Variants in KDM3B observed in about 807,000 individuals in gnomAD.
KDM3B encodes the protein lysine demethylase 3B, also known as lysine-specific demethylase 3B.
Under a neutral mutation model 170.0 loss-of-function variants are expected in KDM3B, and 10 were observed. The observed-to-expected ratio is 0.06, with a 90% CI of 0.04 to 0.10. The LOEUF (loss-of-function observed/expected upper bound fraction) is 0.10, where lower values mean the gene tolerates loss of function less well. Among genes scored for constraint, KDM3B ranks in the 10% least tolerant of loss-of-function variants. The pLI, the probability that KDM3B is intolerant of heterozygous loss-of-function variation, is 1.00. For synonymous variants in KDM3B, 831 were observed against 834.8 expected, an observed-to-expected ratio of 1.00 and a Z score of 0.08; for missense variants, 1,394 against 2,195.2, an observed-to-expected ratio of 0.64 and a Z score of 7.29.
chr5:138,390,996 G>A lies in KDM3B; in HGVS notation c.1381-17G>A, dbSNP rs185780008. 12 of 1,531,222 alleles carry A rather than the reference G, an allele frequency of 7.8e-6. No individual in the cohort carries two copies. In the East Asian group the frequency reaches 2.7e-4, roughly 35 times the overall value. 94.9% of individuals were successfully genotyped at this position (1,531,222 alleles called of 1,614,324 possible). On this transcript the variant is annotated splice_polypyrimidine_tract_variant and intron_variant, in intron 7 of 23. Transcript: ENST00000314358. ...ATGAGAAGCCAGCATCACTAATTCAGGCTATCTTCCTTTCAGAATTCAAGA... is the reference window on the plus strand; with the variant it reads ...ATGAGAAGCCAGCATCACTAATTCAAGCTATCTTCCTTTCAGAATTCAAGA...
intron 11 of KDM3B, among the ~76,000 whole-genome samples, chr5:138,409,020 T>C (rs570389396): frequency 1.7e-4 from 26 of 152,272 alleles, no homozygotes; most frequent in African/African-American, 5.8e-4. Flanking sequence ...CTGAAAAGGC[T>C]CTTTGGAGAA....
chr5:138,360,872 G>A (rs1761590492), intron 1 of KDM3B, among the ~76,000 whole-genome samples: 2 of 152,154 alleles, frequency 1.3e-5, no homozygotes, highest in Non-Finnish European at 2.9e-5. Flanking sequence ...GATTACAGGC[G>A]TGAGCCACCA....
chr5:138,378,668 G>T (rs1456879965), intron 4 of KDM3B, among the ~76,000 whole-genome samples: 2 of 151,792 alleles, frequency 1.3e-5, no homozygotes, highest in Non-Finnish European at 2.9e-5. Flanking sequence ...GAAGGTGTCA[G>T]GATAAAATGA....
At chr5:138,431,583 CACT>C in intron 23 of KDM3B, 24 bp downstream of exon 23, 1 of 1,574,216 alleles carries the variant, frequency 6.4e-7, no homozygotes, top group South Asian at 1.2e-5. Context: ...CCCTCTACCC[CACT>C]CTGTCTTCTC....
At chr5:138,434,425 G>A (rs1763621946) in intron 23 of KDM3B, among the ~76,000 whole-genome samples, 1 of 152,034 alleles carries the variant, frequency 6.6e-6, no homozygotes. Context: ...GTGGGCGCCT[G>A]TAGTCCCAGC....
In KDM3B at chr5:138,422,431, G is replaced by A. The variant is rs542691670; in HGVS notation, c.3972+1469G>A. On this transcript the variant is annotated intron_variant, in intron 15 of 23. Transcript: ENST00000314358. ...GCGGACAGATCACTTGAGGTCAGGAGTTCGAGACTAACCTGACCAACGTAG... is the reference window on the plus strand; with the variant it reads ...GCGGACAGATCACTTGAGGTCAGGAATTCGAGACTAACCTGACCAACGTAG... 3.3e-5 allele frequency among the ~76,000 whole-genome samples: 5 copies of A among 152,276 alleles called. No individual in the cohort carries two copies. In the South Asian group the frequency reaches 1.0e-3, roughly 32 times the overall value.
At position 138,420,801 on chromosome 5, in the gene KDM3B, C is replaced by T. The variant is rs999525461; in HGVS notation, c.3811C>T (p.Pro1271Ser). ...CACTGCAAAGGTCTCTCCGCTGACT[C>T]CAAAGCTTTTTAACAGTCTGTTGCT... is the stretch of plus-strand genomic sequence containing the variant. ...NSTAKVSPLT[P>S]KLFNSLLLGP... is the part of the protein sequence containing the mutation. The change falls in exon 15 of 24, where the codon CCA (proline) becomes TCA (serine). Residue 1271 changes from proline to serine, a missense_variant. Pro to Ser is a moderately conservative substitution (Grantham distance 74, BLOSUM62 -1). Coordinates refer to ENST00000314358, the MANE Select transcript of KDM3B (RefSeq NM_016604.4). 2.5e-6 allele frequency: 4 copies of T among 1,614,164 alleles called. No individual in the cohort carries two copies. The South Asian group carries it at 3.3e-5, about 13-fold the overall frequency.
intron 11 of KDM3B, among the ~76,000 whole-genome samples, chr5:138,412,153 T>C (rs1160825468): frequency 3.3e-5 from 5 of 149,678 alleles, no homozygotes; most frequent in Non-Finnish European, 7.4e-5. Context: ...CTGGCCAACA[T>C]GTTGAAACCC....
intron 20 of KDM3B, 129 bp downstream of exon 20, chr5:138,428,215 TTG>T: frequency 9.8e-7 from 1 of 1,022,196 alleles, no homozygotes; most frequent in Non-Finnish European, 1.4e-6. Context: ...GTTTTTTTTT[TTG>T]GGGGGCGGGG....
intron 13 of KDM3B, among the ~76,000 whole-genome samples, chr5:138,418,230 C>T (rs529199541): frequency 3.3e-5 from 5 of 152,152 alleles, no homozygotes; most frequent in East Asian, 3.9e-4. Context: ...CAGGCATGCG[C>T]CACCACACCT....
intron 2 of KDM3B, among the ~76,000 whole-genome samples, chr5:138,374,054 C>T (rs1244279315): frequency 6.6e-6 from 1 of 152,154 alleles, no homozygotes; most frequent in Non-Finnish European, 1.5e-5. Flanking sequence ...AGTGCAGTGG[C>T]ACGATCTAGG....
At chr5:138,412,508 G>A (rs1762999005) in intron 11 of KDM3B, among the ~76,000 whole-genome samples, 1 of 152,018 alleles carries the variant, frequency 6.6e-6, no homozygotes, top group Non-Finnish European at 1.5e-5. Context: ...TTAAAAATTA[G>A]CGAGACGTGG....
intron 21 of KDM3B, 41 bp downstream of exon 21, chr5:138,430,006 A>C (rs763875315): frequency 2.5e-6 from 4 of 1,607,150 alleles, no homozygotes; most frequent in Non-Finnish European, 3.4e-6. Flanking sequence ...TCACATATCA[A>C]GAGTCTCGTT....
In KDM3B at chr5:138,386,160, G is replaced by A. The variant is rs368887252; in HGVS notation, c.919G>A (p.Gly307Ser). The stretch of plus-strand genomic sequence containing the variant: ...ATCAAAGAAATTAAAAGGAGACAGG[G>A]GTGAAGTAGACAGTAATGGGAGCGA... Reference protein sequence around the residue: ...PASKKLKGDRGEVDSNGSDGG... With the variant: ...PASKKLKGDRSEVDSNGSDGG... The change falls in exon 7 of 24, where the codon GGT (glycine) becomes AGT (serine). Residue 307 changes from glycine (G) to serine (S), a missense_variant. Coordinates refer to ENST00000314358, the MANE Select transcript of KDM3B (RefSeq NM_016604.4). 77 of 1,614,070 alleles carry A rather than the reference G, an allele frequency of 4.8e-5. No homozygotes were observed. The highest frequency in any genetic ancestry group is 6.3e-5 in the Non-Finnish European group (74 of 1,180,040).
chr5:138,396,073 G>A (rs1370460727), intron 9 of KDM3B, among the ~76,000 whole-genome samples: 2 of 151,932 alleles, frequency 1.3e-5, no homozygotes, highest in Admixed American at 1.3e-4. Context: ...AAAATAAAAG[G>A]GAAAGGAACC....
chr5:138,387,113 G>GT (rs1179796050), intron 7 of KDM3B, among the ~76,000 whole-genome samples: 2 of 152,100 alleles, frequency 1.3e-5, no homozygotes, highest in Non-Finnish European at 1.5e-5. Flanking sequence ...GCCATGGAAG[G>GT]TTTTTTCTCC....
At chr5:138,371,576 A>G (rs1761876808) in intron 1 of KDM3B, among the ~76,000 whole-genome samples, 1 of 152,224 alleles carries the variant, frequency 6.6e-6, no homozygotes, top group African/African-American at 2.4e-5. Context: ...TATTTCAAGA[A>G]GTGGAGTATC....
intron 9 of KDM3B, among the ~76,000 whole-genome samples, chr5:138,396,768 A>G (rs1458432980): frequency 6.6e-6 from 1 of 152,048 alleles, no homozygotes; most frequent in Non-Finnish European, 1.5e-5. Context: ...GGGAAGTAAT[A>G]TTGGAGGTAT....
chr5:138,408,207 T>A (rs1762872168), intron 11 of KDM3B, among the ~76,000 whole-genome samples: 1 of 152,132 alleles, frequency 6.6e-6, no homozygotes. Context: ...TCATACCTGA[T>A]TGAACCAATC....
Sources: allele counts gnomAD v4.1 joint callset (sites outside exome capture counted in the v4.1 genomes callset), GRCh38; gene constraint gnomAD v4.1.1; transcripts MANE v1.5; gene names NCBI Gene and HGNC (gene_info 2026-07-23, HGNC 2026-07-21).